ALPK3: variants seen among roughly 807,000 people sequenced by gnomAD.
ALPK3 encodes the protein alpha kinase 3.
A neutral mutation model predicts 140.0 loss-of-function variants in ALPK3; 102 were observed. The ratio of observed to expected loss-of-function variants is 0.73; its 90% CI spans 0.62 to 0.86. ALPK3 has a LOEUF of 0.86. ALPK3 is among the 40% of genes least tolerant of loss of function. The probability of loss-of-function intolerance (pLI) is 0.00; values close to 1 mark genes in which losing one functional copy is unlikely to be tolerated. For synonymous variants in ALPK3, 938 were observed against 898.5 expected (o/e 1.04, Z -0.79); for missense variants, 2,254 against 2,208.2 (o/e 1.02, Z -0.42).
Position 84,857,997 on chromosome 15 carries a change from G to A in ALPK3, c.3259G>A (p.Gly1087Arg). The change falls in exon 6 of 14, where the codon GGA (glycine) becomes AGA (arginine). Residue 1087 changes from glycine to arginine, a missense_variant. Gly to Arg is a moderately radical substitution (Grantham distance 125, BLOSUM62 -2). Around this residue, in one of 3 missense-constraint regions of ALPK3, gnomAD observed 2,088 missense variants for 2,022.9 expected, o/e 1.03. Transcript: ENST00000258888. ...DEEDPGLASE[G>R]ASEGEGEVSP... ...GGAGGACCCTGGGCTGGCCTCAGAA[G>A]GAGCCAGTGAGGGTGAAGGAGAGGT... 6.3e-7 allele frequency: 1 copy of A among 1,598,578 alleles called. No individual in the cohort carries two copies. The highest frequency in any genetic ancestry group is 8.5e-7 in the Non-Finnish European group (1 of 1,172,910).
chr15:84,823,642 G>A (rs572761773), intron 2 of ALPK3, among the ~76,000 whole-genome samples: 2 of 152,292 alleles, frequency 1.3e-5, no homozygotes, highest in Admixed American at 1.3e-4. Flanking sequence ...TGACATCTCT[G>A]TGTCCCTAGG....
chr15:84,864,190 C>CT (rs963937791), intron 11 of ALPK3, among the ~76,000 whole-genome samples: 1 of 152,164 alleles, frequency 6.6e-6, no homozygotes, highest in Non-Finnish European at 1.5e-5. Flanking sequence ...CACAGTCTGC[C>CT]TATGCCCATA....
chr15:84,819,447 C>T (rs1018597580), intron 1 of ALPK3, among the ~76,000 whole-genome samples: 3 of 152,182 alleles, frequency 2.0e-5, no homozygotes, highest in African/African-American at 7.2e-5. Context: ...ATTTATCAGG[C>T]ATCTGGAAAA....
At chr15:84,850,914 A>ACACACACC (rs1434291716) in intron 5 of ALPK3, among the ~76,000 whole-genome samples, 71 of 149,352 alleles carry the variant, frequency 4.8e-4, no homozygotes, top group African/African-American at 1.6e-3. Flanking sequence ...ACACACACAC[A>ACACACACC]CCCTCTGTCA....
chr15:84,856,949 A>G lies in ALPK3; in HGVS notation c.2211A>G (p.Arg737=). Residue 737 remains arginine (R), a synonymous_variant, in exon 6 of 14, where the codon AGA becomes AGG. Transcript: ENST00000258888. ...EVATSLGPPS[R]TPKLPPTAGP... ...CAACCAGCCTCGGCCCACCATCCAG[A>G]ACCCCCAAACTCCCACCTACAGCGG... 1 of 1,614,104 alleles carries G rather than the reference A, an allele frequency of 6.2e-7. No individual in the cohort carries two copies. The highest frequency in any genetic ancestry group is 8.5e-7 in the Non-Finnish European group (1 of 1,180,006).
rs1964084521 is a variant in ALPK3, at chr15:84,872,465, C to G, written c.*4009C>G. The G allele has an allele frequency of 6.6e-6, 1 of 152,274 alleles. No individual in the cohort carries two copies. The highest frequency in any genetic ancestry group is 6.5e-5 in the Admixed American group (1 of 15,288). 9.4% of individuals were successfully genotyped at this position (152,274 alleles called of 1,614,324 possible). ...CCCAGCTGCAATGCCTTCGCCTGCT[C>G]TAGGCCCACCCCAAAGCTGGCAGTC... On this transcript the variant is annotated 3_prime_UTR_variant, in exon 14 of 14. Coordinates refer to ENST00000258888, the MANE Select transcript of ALPK3 (RefSeq NM_020778.5).
At chr15:84,849,231 T>C (rs1374019688) in intron 5 of ALPK3, among the ~76,000 whole-genome samples, 3 of 151,910 alleles carry the variant, frequency 2.0e-5, no homozygotes, top group Non-Finnish European at 4.4e-5. Flanking sequence ...AAAATGTGTA[T>C]GCACCTAACA....
chr15:84,862,911 T>C lies in ALPK3; in HGVS notation c.4406T>C (p.Ile1469Thr), dbSNP rs991828802. The C allele has an allele frequency of 5.0e-6, 8 of 1,613,040 alleles. No individual in the cohort carries two copies. Among genetic ancestry groups the C allele is most frequent in the African/African-American group, 2.7e-5 (2 of 74,874 alleles). ...SLVGRNYDVT[I>T]QGCKIQNMSR... The stretch of plus-strand genomic sequence containing the variant: ...GTGGGCAGAAACTACGACGTCACCA[T>C]CCAGGTACTATGTCCCATCTTCACA... The change falls in exon 10 of 14, where the codon ATC becomes ACC. Residue 1469 changes from isoleucine (I) to threonine (T), a missense_variant. Ile to Thr is a moderately conservative substitution (Grantham distance 89). Around this residue, in one of 3 missense-constraint regions of ALPK3, gnomAD observed 2,088 missense variants for 2,022.9 expected, o/e 1.03. Coordinates refer to ENST00000258888, the MANE Select transcript of ALPK3 (RefSeq NM_020778.5).
rs1963626604 is a variant in ALPK3, at chr15:84,839,068, G to C, written c.393G>C (p.Gln131His). The stretch of plus-strand genomic sequence containing the variant: ...TGCCAAAATATGAGATCACTCATCA[G>C]GGCAACCGCCACACACTGCAGCTGT... ...CGLPKYEITH[Q>H]GNRHTLQLYR... Residue 131 changes from glutamine (Q) to histidine (H), a missense_variant, in exon 4 of 14, where the codon CAG becomes CAC. Coordinates refer to ENST00000258888, the MANE Select transcript of ALPK3 (RefSeq NM_020778.5). 1 of 1,609,190 alleles carries C rather than the reference G, an allele frequency of 6.2e-7. No homozygotes were observed. Among genetic ancestry groups the C allele is most frequent in the Non-Finnish European group, 8.5e-7 (1 of 1,177,442 alleles).
At position 84,871,792 on chromosome 15, in the gene ALPK3, C is replaced by G. The variant is rs1381940571; in HGVS notation, c.*3336C>G. ...GGGTTCCTGACAAGATGAGTGAATG[C>G]CTGCCCATCAACCCGTTACTATTCT... On this transcript the variant is annotated 3_prime_UTR_variant, in exon 14 of 14. Coordinates refer to ENST00000258888, the MANE Select transcript of ALPK3 (RefSeq NM_020778.5). 9 of 152,260 alleles carry G rather than the reference C, an allele frequency of 5.9e-5. No individual in the cohort carries two copies. The highest frequency in any genetic ancestry group is 1.2e-4 in the Non-Finnish European group (8 of 68,056). 9.4% of individuals were successfully genotyped at this position (152,260 alleles called of 1,614,324 possible).
chr15:84,825,416 C>T (rs892602764), intron 2 of ALPK3, among the ~76,000 whole-genome samples: 2 of 152,240 alleles, frequency 1.3e-5, no homozygotes, highest in Admixed American at 6.5e-5. Flanking sequence ...ACCTCGTGAT[C>T]CGCCAGCCTC....
chr15:84,840,952 G>A lies in ALPK3; in HGVS notation c.1653+20G>A. ...GGAGAGGTAAGTGTGGGTGTTGGGT[G>A]CCTGGAGGCCGCTCTGGGAAGCTGA... On this transcript the variant is annotated intron_variant, in intron 5 of 13. Transcript: ENST00000258888. 1 of 1,537,160 alleles carries A rather than the reference G, an allele frequency of 6.5e-7. No homozygotes were observed. The highest frequency in any genetic ancestry group is 1.3e-5 in the South Asian group (1 of 79,064).
At position 84,839,085 on chromosome 15, in the gene ALPK3, T is replaced by G. The variant is rs750547262; in HGVS notation, c.410T>G (p.Leu137Arg). The G allele has an allele frequency of 6.8e-6, 11 of 1,608,608 alleles. No individual in the cohort carries two copies. Among genetic ancestry groups the G allele is most frequent in the Non-Finnish European group, 9.3e-6 (11 of 1,177,330 alleles). ...ACTCATCAGGGCAACCGCCACACAC[T>G]GCAGCTGTACAGGTGAGGGAGAAGG... ...EITHQGNRHT[L>R]QLYRCREEDA... Residue 137 changes from leucine (L) to arginine (R), a missense_variant, in exon 4 of 14, where the codon CTG (leucine) becomes CGG (arginine). Physicochemically the swap from Leu to Arg is moderately radical, Grantham distance 102. Coordinates refer to ENST00000258888, the MANE Select transcript of ALPK3 (RefSeq NM_020778.5).
chr15:84,818,638 A>G (rs531158583), intron 1 of ALPK3, among the ~76,000 whole-genome samples: 131 of 152,360 alleles, frequency 8.6e-4, no homozygotes, highest in African/African-American at 3.1e-3. Context: ...GAGGACATTC[A>G]GGAAAAGTCC....
At chr15:84,836,097 C>T (rs1444580555) in intron 3 of ALPK3, among the ~76,000 whole-genome samples, 12 of 152,188 alleles carry the variant, frequency 7.9e-5, no homozygotes, top group Admixed American at 4.6e-4. Context: ...CTGCTTTACA[C>T]GGGGTGGAAG....
rs1256308564 is a variant in ALPK3, at chr15:84,840,457, T to G, written c.1178T>G (p.Val393Gly). The G allele has an allele frequency of 6.2e-7, 1 of 1,613,758 alleles. No homozygotes were observed. The highest frequency in any genetic ancestry group is 2.2e-5 in the East Asian group (1 of 44,866). The part of the protein sequence containing the change: ...TDSTRKPASA[V>G]GTPDKAQKAP... ...AGTACCAGGAAGCCAGCCTCTGCTG[T>G]GGGCACTCCAGACAAGGCCCAGAAG... Residue 393 changes from valine to glycine, a missense_variant, in exon 5 of 14, where the codon GTG becomes GGG. Coordinates refer to ENST00000258888, the MANE Select transcript of ALPK3 (RefSeq NM_020778.5).
intron 10 of ALPK3, 54 bp downstream of exon 10, chr15:84,862,969 T>C: frequency 1.3e-6 from 2 of 1,575,606 alleles, no homozygotes; most frequent in Non-Finnish European, 1.7e-6. Flanking sequence ...CCCCTCCCCT[T>C]TCCCAGCCCA....
Position 84,868,685 on chromosome 15 carries a change from C to A in ALPK3, c.*229C>A. ...TGGTGCCACTGTCACCCAGGGCTCC[C>A]GGGCCTCAAGCAGTCCCCACCTCCA... On this transcript the variant is annotated 3_prime_UTR_variant, in exon 14 of 14. Coordinates refer to ENST00000258888, the MANE Select transcript of ALPK3 (RefSeq NM_020778.5). 5.3e-6 allele frequency: 3 copies of A among 569,928 alleles called. No homozygotes were observed. In the South Asian group the frequency reaches 6.8e-5, roughly 13 times the overall value. 35.3% of individuals were successfully genotyped at this position (569,928 alleles called of 1,614,324 possible).
At chr15:84,829,346 T>C (rs1963521330) in intron 3 of ALPK3, among the ~76,000 whole-genome samples, 1 of 152,240 alleles carries the variant, frequency 6.6e-6, no homozygotes. Flanking sequence ...GGTTCTTATC[T>C]TCTTAGTTTT....
Sources: gnomAD v4.1 joint callset for allele counts (sites outside exome capture counted in the v4.1 genomes callset) on GRCh38, gnomAD v4.1.1 for gene constraint, gnomAD v4.1.1 regional missense constraint, MANE v1.5 for transcripts, NCBI Gene and HGNC (gene_info 2026-07-23, HGNC 2026-07-21) for gene names.